The following SFXN5 variants were observed in gnomAD, a reference collection of about 807,000 sequenced individuals.
SFXN5 encodes sideroflexin-5.
A neutral mutation model predicts 50.2 loss-of-function variants in SFXN5; 43 were observed. That is an observed-to-expected ratio of 0.86 (90% confidence interval 0.67 to 1.11). The LOEUF (loss-of-function observed/expected upper bound fraction) is 1.11, where lower values mean the gene tolerates loss of function less well. Among genes scored for constraint, SFXN5 ranks in the 50% least tolerant of loss-of-function variants. The pLI is 0.00. For missense variants in SFXN5, 463 were observed against 454.1 expected, an observed-to-expected ratio of 1.02 and a Z score of -0.18; for synonymous variants, 203 against 185.8, an observed-to-expected ratio of 1.09 and a Z score of -0.75.
chr2:72,991,063 CAG>C (rs1672537097), intron 9 of SFXN5, among the ~76,000 whole-genome samples: 1 of 152,202 alleles, frequency 6.6e-6, no homozygotes. Flanking sequence ...CGGAAGTGAG[CAG>C]AGAGGCTGGG....
At chr2:72,951,470 G>C (rs896190045) in intron 13 of SFXN5, among the ~76,000 whole-genome samples, 4 of 152,178 alleles carry the variant, frequency 2.6e-5, no homozygotes, top group African/African-American at 9.7e-5. Flanking sequence ...CACTGTGGGT[G>C]GGGGGCTAGA....
intron 2 of SFXN5, among the ~76,000 whole-genome samples, chr2:73,041,870 T>C (rs1397876527): frequency 2.0e-5 from 3 of 152,116 alleles, no homozygotes; most frequent in African/African-American, 4.8e-5. Flanking sequence ...ATCTGGCTAA[T>C]TTATTTTTTG....
At chr2:72,969,899 G>A (rs1245584074) in intron 11 of SFXN5, among the ~76,000 whole-genome samples, 1 of 152,022 alleles carries the variant, frequency 6.6e-6, no homozygotes, top group African/African-American at 2.4e-5. Context: ...GGGTGGGAGT[G>A]TCCTTGCCAG....
chr2:72,952,231 C>G (rs1040401535), intron 13 of SFXN5, among the ~76,000 whole-genome samples: 23 of 152,356 alleles, frequency 1.5e-4, no homozygotes, highest in Middle Eastern at 3.4e-3. Context: ...TAAGTATACG[C>G]TTTGAGTCCT....
At chr2:72,975,915 CAA>C (rs1482100072) in intron 10 of SFXN5, among the ~76,000 whole-genome samples, 2 of 152,124 alleles carry the variant, frequency 1.3e-5, no homozygotes, top group African/African-American at 2.4e-5. Context: ...CCCATATGCA[CAA>C]AGAGACATTT....
At chr2:73,040,096 C>A (rs913517592) in intron 3 of SFXN5, among the ~76,000 whole-genome samples, 2 of 152,150 alleles carry the variant, frequency 1.3e-5, no homozygotes, top group South Asian at 4.1e-4. Context: ...CAGGTGTGAG[C>A]CACCGTGCCC....
intron 1 of SFXN5, among the ~76,000 whole-genome samples, chr2:73,068,690 G>C (rs919957852): frequency 6.6e-6 from 1 of 152,062 alleles, no homozygotes; most frequent in East Asian, 1.9e-4. Flanking sequence ...GCCTTGGAGA[G>C]TCAACAGGGA....
In SFXN5 at chr2:73,010,605, G is replaced by C. The variant is rs2105766534; in HGVS notation, c.358-9027C>G. ...GACTTTGTTACATGCAGATGACCCT[G>C]ATCCTAACTGACATATTCAGATACC... On this transcript the variant is annotated intron_variant, in intron 6 of 13. Transcript: ENST00000272433. Among the ~76,000 whole-genome samples the C allele has an allele frequency of 1.3e-5, 2 of 152,290 alleles. 1 individual carries two copies. Among genetic ancestry groups the C allele is most frequent in the Middle Eastern group, 6.8e-3 (2 of 294 alleles).
intron 11 of SFXN5, among the ~76,000 whole-genome samples, chr2:72,969,389 G>GT (rs956050166): frequency 2.6e-5 from 4 of 151,922 alleles, no homozygotes; most frequent in African/African-American, 7.2e-5. Flanking sequence ...TGTTGTTGGT[G>GT]TTTTTTTTGT....
intron 1 of SFXN5, 99 bp from the exon 2 acceptor site, chr2:73,058,695 G>A (rs562257503): frequency 5.3e-6 from 6 of 1,127,438 alleles, no homozygotes; most frequent in African/African-American, 4.6e-5. Flanking sequence ...GGGTCCCCCG[G>A]TCCCCAGGAC....
At chr2:73,071,262 C>T in intron 1 of SFXN5, 1 of 292,518 alleles carries the variant, frequency 3.4e-6, no homozygotes, top group Non-Finnish European at 6.4e-6. Flanking sequence ...GCTGCACAAC[C>T]CGGAGCGACC....
intron 1 of SFXN5, among the ~76,000 whole-genome samples, chr2:73,067,529 T>G (rs1447891641): frequency 6.6e-6 from 1 of 152,230 alleles, no homozygotes; most frequent in Non-Finnish European, 1.5e-5. Context: ...GCAGGAATTG[T>G]TTGTTGTCTT....
intron 2 of SFXN5, among the ~76,000 whole-genome samples, chr2:73,050,388 G>GCGCGCGCGCACACA: frequency 9.0e-5 from 13 of 143,912 alleles, no homozygotes; most frequent in African/African-American, 3.3e-4. Flanking sequence ...CAGCCACAGC[G>GCGCGCGCGCACACA]CACGCACACA....
rs1055389105 is a variant in SFXN5, at chr2:72,961,339, G to A, written c.828-91C>T. The A allele has an allele frequency of 6.0e-6, 5 of 827,860 alleles. No individual in the cohort carries two copies. Among genetic ancestry groups the A allele is most frequent in the Non-Finnish European group, 9.0e-6 (5 of 555,168 alleles). 51.3% of individuals were successfully genotyped at this position (827,860 alleles called of 1,614,324 possible). On this transcript the variant is annotated intron_variant, in intron 12 of 13. Coordinates refer to ENST00000272433, the MANE Select transcript of SFXN5 (RefSeq NM_144579.3). This position sits in a 1 kb window ranked among gnomAD's most constrained non-coding sequence, Gnocchi z 4.4. ...ATGCTGGGTCCCACTCTGTCTCTGGGCCCAGGAAGCGTGGTTCCGGGGCAG... is the reference window on the plus strand; with the variant it reads ...ATGCTGGGTCCCACTCTGTCTCTGGACCCAGGAAGCGTGGTTCCGGGGCAG...
At chr2:73,062,799 T>C (rs1206163166) in intron 1 of SFXN5, among the ~76,000 whole-genome samples, 1 of 152,142 alleles carries the variant, frequency 6.6e-6, no homozygotes, top group Admixed American at 6.5e-5. Context: ...TATGTCTTCC[T>C]AGTTTAAGTC....
chr2:73,050,420 A>ACACACACACACACACACACACACACC (rs1553523879), intron 2 of SFXN5, among the ~76,000 whole-genome samples: 213 of 140,760 alleles, frequency 1.5e-3, no homozygotes, highest in African/African-American at 5.0e-3. Flanking sequence ...ACACACACAC[A>ACACACACACACACACACACACACACC]CCCCTGCAGA....
intron 6 of SFXN5, among the ~76,000 whole-genome samples, chr2:73,004,535 C>T (rs867143701): frequency 3.9e-5 from 6 of 152,136 alleles, no homozygotes; most frequent in East Asian, 3.9e-4. Context: ...GGCTATCTAA[C>T]GAAGGCGGAG....
intron 13 of SFXN5, among the ~76,000 whole-genome samples, chr2:72,956,264 C>T (rs1488355275): frequency 6.6e-6 from 1 of 152,230 alleles, no homozygotes; most frequent in African/African-American, 2.4e-5. Flanking sequence ...GACCTGTTCC[C>T]CAGTTCTCAC....
intron 11 of SFXN5, 109 bp downstream of exon 11, chr2:72,971,461 C>T: frequency 2.7e-6 from 2 of 737,322 alleles, no homozygotes; most frequent in Non-Finnish European, 2.2e-6. Flanking sequence ...CATCAAGATG[C>T]CAAAATAAGG....
Sources: allele counts gnomAD v4.1 joint callset (sites outside exome capture counted in the v4.1 genomes callset), GRCh38; gene constraint gnomAD v4.1.1; non-coding constraint Gnocchi (gnomAD v3.1); transcripts MANE v1.5; gene names NCBI Gene and HGNC (gene_info 2026-07-23, HGNC 2026-07-21).